The following SLC2A13 variants were observed in gnomAD, a reference collection of about 807,000 sequenced individuals.
The protein encoded by SLC2A13 is solute carrier family 2 member 13.
SLC2A13 carries 32 observed loss-of-function variants against 64.4 expected under a neutral mutation model. The observed-to-expected ratio is 0.50, with a 90% CI of 0.37 to 0.67. The LOEUF is 0.67. Ranked by LOEUF, SLC2A13 falls within the 30% of genes least tolerant of loss-of-function variation. The pLI is 0.00. For missense variants in SLC2A13, 743 were observed against 829.2 expected, an observed-to-expected ratio of 0.90 and a Z score of 1.28; for synonymous variants, 338 against 327.1, an observed-to-expected ratio of 1.03 and a Z score of -0.36.
At chr12:40,070,945 AG>A (rs1175175300) in intron 1 of SLC2A13, among the ~76,000 whole-genome samples, 19 of 152,174 alleles carry the variant, frequency 1.2e-4, no homozygotes, top group African/African-American at 4.3e-4. Flanking sequence ...ATTTATATAA[AG>A]GAACAGAAGA....
chr12:39,859,731 T>G (rs1943708447), intron 6 of SLC2A13, among the ~76,000 whole-genome samples: 1 of 152,148 alleles, frequency 6.6e-6, no homozygotes, highest in African/African-American at 2.4e-5. Flanking sequence ...TTCACCATGT[T>G]GGCCGGGCTG....
intron 9 of SLC2A13, among the ~76,000 whole-genome samples, chr12:39,762,067 C>T (rs1480027951): frequency 6.6e-6 from 1 of 152,120 alleles, no homozygotes; most frequent in Admixed American, 6.5e-5. Context: ...TATTAAAATA[C>T]AAGACCGTTT....
At chr12:39,837,572 A>C (rs1943047531) in intron 6 of SLC2A13, among the ~76,000 whole-genome samples, 1 of 145,716 alleles carries the variant, frequency 6.9e-6, no homozygotes, top group South Asian at 2.3e-4. Flanking sequence ...AATGGGAGAA[A>C]ATTTTCACAA....
At chr12:39,957,825 C>G (rs1332090935) in intron 3 of SLC2A13, among the ~76,000 whole-genome samples, 1 of 152,116 alleles carries the variant, frequency 6.6e-6, no homozygotes, top group African/African-American at 2.4e-5. Context: ...ATACCTGAAG[C>G]GCTTCCCATG....
At position 39,863,185 on chromosome 12, in the gene SLC2A13, T is replaced by C. The variant is rs184081293; in HGVS notation, c.1319+1577A>G. Among the ~76,000 whole-genome samples the C allele has an allele frequency of 3.4e-3, 516 of 152,236 alleles. 3 individuals are homozygous for C. Among genetic ancestry groups the C allele is most frequent in the African/African-American group, 0.012 (489 of 41,570 alleles). On this transcript the variant is annotated intron_variant, in intron 6 of 9. Coordinates refer to ENST00000280871, the MANE Select transcript of SLC2A13 (RefSeq NM_052885.4). ...TATCACTTCTCTTACCTCATTAAAATTGAATATTAAAATATGAGTTAGATG... is the reference window on the plus strand; with the variant it reads ...TATCACTTCTCTTACCTCATTAAAACTGAATATTAAAATATGAGTTAGATG...
intron 3 of SLC2A13, among the ~76,000 whole-genome samples, chr12:39,993,008 T>C (rs1240253194): frequency 2.0e-5 from 3 of 152,234 alleles, no homozygotes; most frequent in African/African-American, 7.2e-5. Flanking sequence ...TACAGTTACA[T>C]ATACATACAT....
chr12:39,948,694 A>G (rs1021649378), intron 4 of SLC2A13, among the ~76,000 whole-genome samples: 3 of 152,158 alleles, frequency 2.0e-5, no homozygotes, highest in African/African-American at 7.2e-5. Context: ...TTCAACTTCT[A>G]CACATTATTA....
chr12:39,786,855 AT>A (rs1385430478), intron 7 of SLC2A13, among the ~76,000 whole-genome samples: 2 of 152,170 alleles, frequency 1.3e-5, no homozygotes, highest in Non-Finnish European at 1.5e-5. Flanking sequence ...TGGAATTGAG[AT>A]TTTAGTAAAT....
chr12:39,867,380 TATAAAGATTCAAATAA>T (rs1473962222), intron 5 of SLC2A13, among the ~76,000 whole-genome samples: 3 of 152,118 alleles, frequency 2.0e-5, no homozygotes, highest in Non-Finnish European at 4.4e-5. Context: ...GTGCCTGGCA[TATAAAGATTCAAATAA>T]ATATTGGTTG....
chr12:40,082,811 A>T (rs1217313096), intron 1 of SLC2A13, among the ~76,000 whole-genome samples: 4 of 152,134 alleles, frequency 2.6e-5, no homozygotes, highest in Non-Finnish European at 5.9e-5. Flanking sequence ...GAGGTCTGTA[A>T]CGAGAGTGGG....
chr12:39,897,829 T>C (rs78515477), intron 4 of SLC2A13, among the ~76,000 whole-genome samples: 7,015 of 152,204 alleles, frequency 0.046, 297 homozygotes, highest in Admixed American at 0.13. Flanking sequence ...TTCTATAATA[T>C]TTTCATAAAT....
Position 39,820,056 on chromosome 12 carries a change from G to A in SLC2A13, c.1445+10047C>T, listed in dbSNP as rs545587338. Among the ~76,000 whole-genome samples the A allele has an allele frequency of 4.6e-5, 7 of 152,054 alleles. No homozygotes were observed. The East Asian group carries it at 1.4e-3, about 29-fold the overall frequency. ...TTAAATATAATATTAATATTTATGGGTTTGTCCATGCAGAACAGCTCTAAA... is the reference window on the plus strand; with the variant it reads ...TTAAATATAATATTAATATTTATGGATTTGTCCATGCAGAACAGCTCTAAA... On this transcript the variant is annotated intron_variant, in intron 7 of 9. Transcript: ENST00000280871.
chr12:39,981,780 T>G (rs1266856516), intron 3 of SLC2A13, among the ~76,000 whole-genome samples: 1 of 138,926 alleles, frequency 7.2e-6, no homozygotes, highest in Non-Finnish European at 1.6e-5. Flanking sequence ...CTTCTGAAAC[T>G]ATTCCAATCA....
chr12:39,797,745 C>CACACAT (rs1566801175), intron 7 of SLC2A13, among the ~76,000 whole-genome samples: 6 of 144,134 alleles, frequency 4.2e-5, no homozygotes, highest in African/African-American at 1.5e-4. Flanking sequence ...CACACACACA[C>CACACAT]ACACACACAC....
intron 7 of SLC2A13, among the ~76,000 whole-genome samples, chr12:39,783,027 C>T (rs142680671): frequency 2.0e-5 from 3 of 152,158 alleles, no homozygotes; most frequent in African/African-American, 7.2e-5. Flanking sequence ...CCGCTCCCCC[C>T]ACCCCACGAC....
intron 7 of SLC2A13, among the ~76,000 whole-genome samples, chr12:39,804,300 A>T (rs1241200094): frequency 6.6e-6 from 1 of 152,212 alleles, no homozygotes; most frequent in Non-Finnish European, 1.5e-5. Flanking sequence ...TGTCATTATA[A>T]TAAAATGTTC....
chr12:39,951,727 T>C (rs1198745321), intron 3 of SLC2A13, among the ~76,000 whole-genome samples: 2 of 152,164 alleles, frequency 1.3e-5, no homozygotes, highest in African/African-American at 4.8e-5. Flanking sequence ...GTCAATTAAG[T>C]ATTATTTAAA....
chr12:39,874,573 C>T (rs1008951319), intron 4 of SLC2A13, among the ~76,000 whole-genome samples: 2 of 147,346 alleles, frequency 1.4e-5, no homozygotes, highest in Non-Finnish European at 3.0e-5. Flanking sequence ...CAAGATCACA[C>T]CATTGCACTC....
intron 1 of SLC2A13, among the ~76,000 whole-genome samples, chr12:40,052,487 G>GTCTTTTT (rs1442190152): frequency 5.3e-5 from 8 of 152,212 alleles, no homozygotes; most frequent in Non-Finnish European, 1.2e-4. Context: ...AAAAACAGTT[G>GTCTTTTT]TGAGTGAGAG....
Sources: gnomAD v4.1 joint callset for allele counts (sites outside exome capture counted in the v4.1 genomes callset) on GRCh38, gnomAD v4.1.1 for gene constraint, MANE v1.5 for transcripts, NCBI Gene and HGNC (gene_info 2026-07-23, HGNC 2026-07-21) for gene names.